The following FOXK1 variants were observed in gnomAD, a reference collection of about 807,000 sequenced individuals.
FOXK1 encodes forkhead box protein K1.
A neutral mutation model predicts 51.9 loss-of-function variants in FOXK1; 19 were observed. The observed-to-expected ratio is 0.37, with a 90% CI of 0.26 to 0.54. FOXK1 has a LOEUF of 0.54. Ranked by LOEUF, FOXK1 falls within the 20% of genes least tolerant of loss-of-function variation. The pLI is 0.87. For missense variants in FOXK1, 870 were observed against 1,032.7 expected, an observed-to-expected ratio of 0.84 and a Z score of 2.16; for synonymous variants, 537 against 482.6, an observed-to-expected ratio of 1.11 and a Z score of -1.48.
chr7:4,688,349 A>G (rs6964158), intron 1 of FOXK1, among the ~76,000 whole-genome samples: 67,339 of 150,350 alleles, frequency 0.45, 17,444 homozygotes, highest in African/African-American at 0.73. Flanking sequence ...TAATCAGTGC[A>G]TAGGTTTCTC....
At chr7:4,686,436 G>GA (rs1779819980) in intron 1 of FOXK1, among the ~76,000 whole-genome samples, 1 of 151,804 alleles carries the variant, frequency 6.6e-6, no homozygotes, top group African/African-American at 2.4e-5. Context: ...ATTGGTGGGG[G>GA]AAAAAAAAGA....
chr7:4,736,475 C>T (rs1352646314), intron 1 of FOXK1, among the ~76,000 whole-genome samples: 2 of 149,316 alleles, frequency 1.3e-5, no homozygotes, highest in African/African-American at 5.0e-5. Flanking sequence ...TGCAGTGGTG[C>T]GTTCTCAGCT....
At position 4,733,711 on chromosome 7, in the gene FOXK1, C is replaced by T. The variant is rs2115056591; in HGVS notation, c.561-7127C>T. Reference sequence around the variant, plus strand: ...GTGCCCACATGGGAACTGCATCCTGCAGGTATCGCTCGTGAAAACCGGCCT... The same window carrying T: ...GTGCCCACATGGGAACTGCATCCTGTAGGTATCGCTCGTGAAAACCGGCCT... On this transcript the variant is annotated intron_variant, in intron 1 of 8. Transcript: ENST00000328914. The surrounding 1 kb of genome is among the most constrained non-coding windows in gnomAD (Gnocchi z 5.0). Among the ~76,000 whole-genome samples, 1 of 152,352 alleles carries T rather than the reference C, an allele frequency of 6.6e-6. No individual in the cohort carries two copies. The highest frequency in any genetic ancestry group is 2.1e-4 in the South Asian group (1 of 4,832).
intron 1 of FOXK1, among the ~76,000 whole-genome samples, chr7:4,690,760 G>C (rs1779880742): frequency 6.6e-6 from 1 of 152,150 alleles, no homozygotes; most frequent in Non-Finnish European, 1.5e-5. Context: ...TTAAAATTTT[G>C]TGCTGAAATG....
chr7:4,697,741 CTGTGTGTGTGTG>C (rs57978112), intron 1 of FOXK1, among the ~76,000 whole-genome samples: 1,609 of 135,678 alleles, frequency 0.012, 20 homozygotes, highest in Middle Eastern at 0.03. Flanking sequence ...GAAAGATAGG[CTGTGTGTGTGTG>C]TGTGTGTGTG....
intron 1 of FOXK1, among the ~76,000 whole-genome samples, chr7:4,713,579 C>G (rs1005871496): frequency 2.6e-5 from 4 of 152,142 alleles, no homozygotes; most frequent in African/African-American, 7.2e-5. Context: ...ACAACCTCCC[C>G]CTCCTGGGTG....
intron 7 of FOXK1, 145 bp from the exon 8 acceptor site, chr7:4,760,919 C>A: frequency 1.5e-6 from 1 of 687,592 alleles, no homozygotes; most frequent in Non-Finnish European, 2.6e-6. Context: ...AAACCTATTT[C>A]ACCCATGGGA....
rs1057334355 is a variant in FOXK1, at chr7:4,729,608, C to T, written c.561-11230C>T. ...GGTGGCCATGGCTGTGCTTGGCCGC[C>T]TCTGTGGGGCTCTATCCTAATTCAG... On this transcript the variant is annotated intron_variant, in intron 1 of 8. Coordinates refer to ENST00000328914, the MANE Select transcript of FOXK1 (RefSeq NM_001037165.2). The surrounding 1 kb of genome is among the most constrained non-coding windows in gnomAD (Gnocchi z 6.2). Among the ~76,000 whole-genome samples, 1 of 152,202 alleles carries T rather than the reference C, an allele frequency of 6.6e-6. No individual in the cohort carries two copies. The highest frequency in any genetic ancestry group is 2.4e-5 in the African/African-American group (1 of 41,454).
chr7:4,695,521 A>T (rs984961353), intron 1 of FOXK1, among the ~76,000 whole-genome samples: 1 of 152,154 alleles, frequency 6.6e-6, no homozygotes, highest in African/African-American at 2.4e-5. Flanking sequence ...AATGTGGCTC[A>T]AGGCGGGGCG....
Position 4,682,383 on chromosome 7 carries a change from G to T in FOXK1, c.75G>T (p.Leu25=). The part of the protein sequence containing the change: ...ALRSAPCSPV[L]CAAAAAAAFP... ...GCTCGGCGCCCTGCAGCCCAGTGCT[G>T]TGCGCCGCAGCCGCCGCCGCCGCCT... The change falls in exon 1 of 9, where the codon CTG becomes CTT. Residue 25 remains leucine, a synonymous_variant. Transcript: ENST00000328914. The surrounding 1 kb of genome is among the most constrained non-coding windows in gnomAD (Gnocchi z 7.6). 2 of 981,912 alleles carry T rather than the reference G, an allele frequency of 2.0e-6. No homozygotes were observed. The highest frequency in any genetic ancestry group is 2.4e-6 in the Non-Finnish European group (2 of 829,216). 60.8% of individuals were successfully genotyped at this position (981,912 alleles called of 1,614,324 possible).
chr7:4,754,691 G>A (rs1780820308), intron 3 of FOXK1, 76 bp downstream of exon 3: 1 of 1,508,802 alleles, frequency 6.6e-7, no homozygotes. Flanking sequence ...GGGCGGCACA[G>A]ACAGCCCAGG....
rs146750029 is a variant in FOXK1 at position 4,708,306 on chromosome 7, G to T, written c.560+25438G>T. On this transcript the variant is annotated intron_variant, in intron 1 of 8. Transcript: ENST00000328914. ...GCTTTGTAAACATGACCTAGTTGCC[G>T]CAGTGACCCCAGCCGCCCTTAGGAA... Among the ~76,000 whole-genome samples the T allele has an allele frequency of 1.6e-4, 24 of 152,152 alleles. 1 individual carries two copies. The highest frequency in any genetic ancestry group is 1.3e-3 in the Admixed American group (20 of 15,276).
chr7:4,759,651 G>T, intron 7 of FOXK1, 56 bp downstream of exon 7: 2 of 1,494,580 alleles, frequency 1.3e-6, no homozygotes, highest in East Asian at 2.5e-5. Flanking sequence ...GTCCCGGCCG[G>T]CAAGTCCCCA....
Position 4,722,022 on chromosome 7 carries a change from G to A in FOXK1, c.561-18816G>A, listed in dbSNP as rs1379704900. 2.6e-5 allele frequency among the ~76,000 whole-genome samples: 4 copies of A among 152,264 alleles called. No individual in the cohort carries two copies. Among genetic ancestry groups the A allele is most frequent in the Non-Finnish European group, 1.5e-5 (1 of 68,056 alleles). ...CTTTCTCCCAAAGGAGGCAGCCGGG[G>A]TGAGACTGGTGACCCCGCTGCATCC... On this transcript the variant is annotated intron_variant, in intron 1 of 8. Coordinates refer to ENST00000328914, the MANE Select transcript of FOXK1 (RefSeq NM_001037165.2). This position sits in a 1 kb window ranked among gnomAD's most constrained non-coding sequence, Gnocchi z 5.1.
At chr7:4,702,817 C>G (rs1225458016) in intron 1 of FOXK1, among the ~76,000 whole-genome samples, 1 of 152,190 alleles carries the variant, frequency 6.6e-6, no homozygotes, top group African/African-American at 2.4e-5. Flanking sequence ...TGGACGGGGC[C>G]TTGACGGGGC....
Position 4,735,464 on chromosome 7 carries a change from C to T in FOXK1, c.561-5374C>T, listed in dbSNP as rs1583201608. 6.6e-6 allele frequency among the ~76,000 whole-genome samples: 1 copy of T among 152,194 alleles called. No individual in the cohort carries two copies. The highest frequency in any genetic ancestry group is 1.5e-5 in the Non-Finnish European group (1 of 68,046). ...CACCAAGTCAACTTCGGAACATTTT[C>T]CTGACTCTAGAAAGAACCCCCTAGC... On this transcript the variant is annotated intron_variant, in intron 1 of 8. Transcript: ENST00000328914. This position sits in a 1 kb window ranked among gnomAD's most constrained non-coding sequence, Gnocchi z 4.7.
intron 1 of FOXK1, among the ~76,000 whole-genome samples, chr7:4,705,974 G>GTATATA (rs1302257219): frequency 1.5e-5 from 1 of 67,700 alleles, no homozygotes; most frequent in African/African-American, 8.7e-5. Context: ...ATATATATAC[G>GTATATA]TATATATACG....
In FOXK1 at chr7:4,729,299, G is replaced by A. The variant is rs574023807; in HGVS notation, c.561-11539G>A. 8.5e-5 allele frequency among the ~76,000 whole-genome samples: 13 copies of A among 152,310 alleles called. No homozygotes were observed. In the East Asian group the frequency reaches 1.9e-3, roughly 23 times the overall value. On this transcript the variant is annotated intron_variant, in intron 1 of 8. Coordinates refer to ENST00000328914, the MANE Select transcript of FOXK1 (RefSeq NM_001037165.2). The surrounding 1 kb of genome is among the most constrained non-coding windows in gnomAD (Gnocchi z 6.2). ...GGGGAGTGGAACGTCTGCTAGAAATGCAGATCGCTGGGGCCACCGCCGTTT... is the reference window on the plus strand; with the variant it reads ...GGGGAGTGGAACGTCTGCTAGAAATACAGATCGCTGGGGCCACCGCCGTTT...
rs928796387 is a variant in FOXK1 at position 4,766,480 on chromosome 7, T to G, written c.*4016T>G. 3.4e-4 allele frequency: 52 copies of G among 152,216 alleles called. No individual in the cohort carries two copies. The highest frequency in any genetic ancestry group is 1.3e-3 in the African/African-American group (52 of 41,462). 9.4% of individuals were successfully genotyped at this position (152,216 alleles called of 1,614,324 possible). On this transcript the variant is annotated 3_prime_UTR_variant, in exon 9 of 9. Transcript: ENST00000328914. This position sits in a 1 kb window ranked among gnomAD's most constrained non-coding sequence, Gnocchi z 5.5. ...TTCCCGAGGTCTGGTAGGTCCTCTT[T>G]GGGATTTGCTGTTTATTTGTATCTC...
Sources: allele counts gnomAD v4.1 joint callset (sites outside exome capture counted in the v4.1 genomes callset), GRCh38; gene constraint gnomAD v4.1.1; non-coding constraint Gnocchi (gnomAD v3.1); transcripts MANE v1.5; gene names NCBI Gene and HGNC (gene_info 2026-07-23, HGNC 2026-07-21).